The following CD44 variants were observed in gnomAD, a reference collection of about 807,000 sequenced individuals.
The protein encoded by CD44 is CD44 molecule (IN blood group).
Under a neutral mutation model 88.8 loss-of-function variants are expected in CD44, and 49 were observed. The ratio of observed to expected loss-of-function variants is 0.55; its 90% CI spans 0.44 to 0.70. The LOEUF (loss-of-function observed/expected upper bound fraction) is 0.70. CD44 is among the 30% of genes least tolerant of loss of function. The pLI is 0.00. For missense variants in CD44, 883 were observed against 913.8 expected (o/e 0.97, Z 0.43); for synonymous variants, 325 against 312.3 (o/e 1.04, Z -0.43).
At chr11:35,195,841 A>G (rs927681655) in intron 5 of CD44, among the ~76,000 whole-genome samples, 1 of 152,100 alleles carries the variant, frequency 6.6e-6, no homozygotes, top group Admixed American at 6.6e-5. Flanking sequence ...GAGACTCAAA[A>G]TGTCCTGTTC....
In CD44 at chr11:35,230,222, G is replaced by GTTTTTTGT. The variant is rs556208241; in HGVS notation, c.*895_*896insGTTTTTTT. 3.1e-4 allele frequency: 45 copies of GTTTTTTGT among 145,124 alleles called. No individual in the cohort carries two copies. Among genetic ancestry groups the GTTTTTTGT allele is most frequent in the African/African-American group, 1.1e-3 (43 of 39,536 alleles). The allele number at this position is 145,124 out of a possible 1,614,324, so 9.0% of individuals were successfully genotyped here. ...GCACTGTTTTTGTTTTTTGTTTTTTGTTTTTTTTTTTTGACACTGTCCAAA... is the reference window on the plus strand; with the variant it reads ...GCACTGTTTTTGTTTTTTGTTTTTTGTTTTTTGTTTTTTTTTTTTTGACACTGTCCAAA... On this transcript the variant is annotated 3_prime_UTR_variant, in exon 18 of 18. Coordinates refer to ENST00000428726, the MANE Select transcript of CD44 (RefSeq NM_000610.4).
chr11:35,202,857 G>A (rs1211465023), intron 9 of CD44, among the ~76,000 whole-genome samples: 1 of 152,138 alleles, frequency 6.6e-6, no homozygotes, highest in Non-Finnish European at 1.5e-5. Flanking sequence ...TACAGAGGAA[G>A]CATAAATCTC....
At position 35,161,798 on chromosome 11, in the gene CD44, G is replaced by A. The variant is rs554338048; in HGVS notation, c.68-14777G>A. On this transcript the variant is annotated intron_variant, in intron 1 of 17. Transcript: ENST00000428726. The stretch of plus-strand genomic sequence containing the variant: ...CTTCTTATGGACTGTGGGAGGCAAA[G>A]ATGAATTCCAAATCTTATTTAATCT... Among the ~76,000 whole-genome samples the A allele has an allele frequency of 3.1e-3, 466 of 152,318 alleles. 2 individuals are homozygous for A. Among genetic ancestry groups the A allele is most frequent in the Non-Finnish European group, 5.7e-3 (386 of 68,024 alleles).
At position 35,205,814 on chromosome 11, in the gene CD44, A is replaced by G. The variant is rs531715703; in HGVS notation, c.1283-298A>G. On this transcript the variant is annotated intron_variant, in intron 10 of 17. Transcript: ENST00000428726. ...CTGTGGCAGCATGGCATGGGTCAAG[A>G]AGTACTTCTCCTTCATCTTCCTTTG... 1.1e-5 allele frequency: 11 copies of G among 1,032,658 alleles called. No homozygotes were observed. The African/African-American group carries it at 1.7e-4, about 16-fold the overall frequency. 64.0% of individuals were successfully genotyped at this position (1,032,658 alleles called of 1,614,324 possible).
chr11:35,180,952 A>G (rs938895685), intron 3 of CD44, among the ~76,000 whole-genome samples: 3 of 152,172 alleles, frequency 2.0e-5, no homozygotes, highest in Non-Finnish European at 4.4e-5. Flanking sequence ...GTGGTCAGGG[A>G]AAGTGCCTCC....
In CD44 at chr11:35,230,360, G is replaced by A. The variant is rs1214807798; in HGVS notation, c.*1027G>A. 1 of 152,096 alleles carries A rather than the reference G, an allele frequency of 6.6e-6. No homozygotes were observed. The highest frequency in any genetic ancestry group is 1.5e-5 in the Non-Finnish European group (1 of 68,024). 9.4% of individuals were successfully genotyped at this position (152,096 alleles called of 1,614,324 possible). ...GAAAGGCTTTGCAAAGTCACATTAA[G>A]TTTGCATGACCTGTTATCCCTGGGG... On this transcript the variant is annotated 3_prime_UTR_variant, in exon 18 of 18. Transcript: ENST00000428726.
chr11:35,225,559 G>A (rs531713129), intron 17 of CD44, among the ~76,000 whole-genome samples: 1 of 152,282 alleles, frequency 6.6e-6, no homozygotes, highest in South Asian at 2.1e-4. Flanking sequence ...GCTCACACCT[G>A]TAATCCCAGC....
At chr11:35,207,131 G>C (rs538064230) in intron 11 of CD44, among the ~76,000 whole-genome samples, 20 of 152,300 alleles carry the variant, frequency 1.3e-4, no homozygotes. Flanking sequence ...TTTGATTCAG[G>C]TTAGCACTTG....
Position 35,211,265 on chromosome 11 carries a change from T to C in CD44, c.1626T>C (p.Gly542=), listed in dbSNP as rs1438223986. Residue 542 remains glycine, a synonymous_variant, in exon 14 of 18, where the codon GGT becomes GGC. Coordinates refer to ENST00000428726, the MANE Select transcript of CD44 (RefSeq NM_000610.4). ...LTSSNRNDVT[G]GRRDPNHSEG... ...ACACAGATAGGAATGATGTCACAGGTGGAAGAAGAGACCCAAATCATTCTG... is the reference window on the plus strand; with the variant it reads ...ACACAGATAGGAATGATGTCACAGGCGGAAGAAGAGACCCAAATCATTCTG... 2 of 1,613,700 alleles carry C rather than the reference T, an allele frequency of 1.2e-6. No individual in the cohort carries two copies. Among genetic ancestry groups the C allele is most frequent in the East Asian group, 4.5e-5 (2 of 44,852 alleles).
chr11:35,227,575 C>G (rs141136587), intron 17 of CD44, among the ~76,000 whole-genome samples: 16 of 152,328 alleles, frequency 1.1e-4, no homozygotes, highest in African/African-American at 3.8e-4. Context: ...AAGCATCCTT[C>G]CCCCAACCCC....
intron 1 of CD44, among the ~76,000 whole-genome samples, chr11:35,154,475 A>G (rs1414670881): frequency 6.6e-6 from 1 of 152,258 alleles, no homozygotes; most frequent in Non-Finnish European, 1.5e-5. Context: ...AAACAAAAAC[A>G]TCATTTAAGA....
At chr11:35,156,744 T>G (rs892852976) in intron 1 of CD44, among the ~76,000 whole-genome samples, 7 of 152,224 alleles carry the variant, frequency 4.6e-5, no homozygotes, top group Admixed American at 4.6e-4. Flanking sequence ...GTTGTCAACT[T>G]GTTTAATGTC....
rs776629710 is a variant in CD44, at chr11:35,229,118, T to A, written c.2025-11T>A. On this transcript the variant is annotated splice_polypyrimidine_tract_variant and intron_variant, in intron 17 of 17. Transcript: ENST00000428726. ...AATCTTTCTGATATGGTACATTTTT[T>A]AAATTATTAGGTGTGGGCAGAAGAA... 64 of 1,607,314 alleles carry A rather than the reference T, an allele frequency of 4.0e-5. No individual in the cohort carries two copies. The highest frequency in any genetic ancestry group is 9.4e-5 in the African/African-American group (7 of 74,472).
chr11:35,216,115 T>C (rs970212684), intron 15 of CD44, among the ~76,000 whole-genome samples: 1 of 151,748 alleles, frequency 6.6e-6, no homozygotes, highest in African/African-American at 2.4e-5. Flanking sequence ...TTACTTCTCA[T>C]AGCACAGTCT....
At chr11:35,190,780 T>C (rs1946190291) in intron 5 of CD44, among the ~76,000 whole-genome samples, 1 of 152,242 alleles carries the variant, frequency 6.6e-6, no homozygotes, top group Non-Finnish European at 1.5e-5. Context: ...TCTGGTGAAA[T>C]TAAATCAGCT....
At chr11:35,226,910 A>C in intron 17 of CD44, among the ~76,000 whole-genome samples, 1 of 71,058 alleles carries the variant, frequency 1.4e-5, no homozygotes, top group South Asian at 4.0e-4. Flanking sequence ...TTTGAGACGG[A>C]GTCTTACTGT....
intron 14 of CD44, among the ~76,000 whole-genome samples, chr11:35,211,820 G>T (rs1948420883): frequency 6.6e-6 from 1 of 152,040 alleles, no homozygotes; most frequent in South Asian, 2.1e-4. Context: ...TCGAATTTTA[G>T]CAATTCCGTT....
chr11:35,159,047 A>G lies in CD44; in HGVS notation c.68-17528A>G, dbSNP rs146177599. Among the ~76,000 whole-genome samples, 856 of 152,306 alleles carry G rather than the reference A, an allele frequency of 5.6e-3. 7 individuals are homozygous for G. The highest frequency in any genetic ancestry group is 0.02 in the African/African-American group (819 of 41,568). On this transcript the variant is annotated intron_variant, in intron 1 of 17. Transcript: ENST00000428726. Reference sequence around the variant, plus strand: ...CCTTACAGTGCTGTTCTCTGAGGCCAGAGAACAGAAGGGCTCTTTCCAGAG... The same window carrying G: ...CCTTACAGTGCTGTTCTCTGAGGCCGGAGAACAGAAGGGCTCTTTCCAGAG...
At chr11:35,154,281 C>G (rs921534092) in intron 1 of CD44, among the ~76,000 whole-genome samples, 6 of 152,078 alleles carry the variant, frequency 3.9e-5, no homozygotes, top group African/African-American at 1.4e-4. Context: ...TACAGGGTGT[C>G]TTTCAAGGTC....
Sources: gnomAD v4.1 joint callset for allele counts (sites outside exome capture counted in the v4.1 genomes callset) on GRCh38, gnomAD v4.1.1 for gene constraint, MANE v1.5 for transcripts, NCBI Gene and HGNC (gene_info 2026-07-23, HGNC 2026-07-21) for gene names.